The following ACSBG2 variants were observed in gnomAD, a reference collection of about 807,000 sequenced individuals.
ACSBG2 encodes long-chain-fatty-acid--CoA ligase ACSBG2.
A neutral mutation model predicts 74.7 loss-of-function variants in ACSBG2; 62 were observed. The ratio of observed to expected loss-of-function variants is 0.83; its 90% CI spans 0.68 to 1.03. The LOEUF (loss-of-function observed/expected upper bound fraction) is 1.03, where lower values mean the gene tolerates loss of function less well. Among genes scored for constraint, ACSBG2 ranks in the 50% least tolerant of loss-of-function variants. The pLI is 0.00. For missense variants in ACSBG2, 730 were observed against 817.6 expected (o/e 0.89, Z 1.31); for synonymous variants, 309 against 294.1 (o/e 1.05, Z -0.52).
chr19:6,173,751 A>G (rs539557114), intron 7 of ACSBG2, among the ~76,000 whole-genome samples: 1 of 152,200 alleles, frequency 6.6e-6, no homozygotes, highest in Admixed American at 6.5e-5. Context: ...GCCATCACGT[A>G]TCAATACACT....
rs768241507 is a variant in ACSBG2 at position 6,151,818 on chromosome 19, T to C, written c.386+23T>C. The C allele has an allele frequency of 5.7e-6, 9 of 1,571,658 alleles. No individual in the cohort carries two copies. In the East Asian group the frequency reaches 1.1e-4, roughly 20 times the overall value. On this transcript the variant is annotated intron_variant, in intron 4 of 14. Transcript: ENST00000588485. ...CGGGTAAGGTCATTGGCTTGGTTCATGGTGAGGGTTAAGGAGCCGCTACCC... is the reference window on the plus strand; with the variant it reads ...CGGGTAAGGTCATTGGCTTGGTTCACGGTGAGGGTTAAGGAGCCGCTACCC...
At chr19:6,147,961 T>C (rs1054263675) in intron 3 of ACSBG2, among the ~76,000 whole-genome samples, 3 of 152,248 alleles carry the variant, frequency 2.0e-5, no homozygotes, top group Non-Finnish European at 4.4e-5. Flanking sequence ...ACTACACCCA[T>C]GGTTCTGCAT....
intron 2 of ACSBG2, among the ~76,000 whole-genome samples, chr19:6,143,706 G>A (rs2088928869): frequency 6.6e-6 from 1 of 152,138 alleles, no homozygotes; most frequent in Non-Finnish European, 1.5e-5. Flanking sequence ...TGCTCTTTGA[G>A]TTCCTAGATG....
At chr19:6,136,885 G>C (rs1330607384) in intron 1 of ACSBG2, among the ~76,000 whole-genome samples, 1 of 152,052 alleles carries the variant, frequency 6.6e-6, no homozygotes, top group Non-Finnish European at 1.5e-5. Context: ...GTGAGCCTCC[G>C]CACCCGGCCG....
intron 11 of ACSBG2, 47 bp from the exon 12 acceptor site, chr19:6,187,236 T>G: frequency 6.2e-7 from 1 of 1,610,898 alleles, no homozygotes; most frequent in Non-Finnish European, 8.5e-7. Context: ...AACTGGGGGT[T>G]CCACGTTGTC....
chr19:6,188,337 A>G (rs1415568196), intron 13 of ACSBG2, among the ~76,000 whole-genome samples: 7 of 149,926 alleles, frequency 4.7e-5, no homozygotes, highest in Admixed American at 4.6e-4. Context: ...CAGGGGATGC[A>G]GCAAAGACAG....
rs1175994767 is a variant in ACSBG2 at position 6,135,778 on chromosome 19, C to A, written c.-163C>A. On this transcript the variant is annotated 5_prime_UTR_variant, in exon 1 of 15. Coordinates refer to ENST00000588485, the MANE Select transcript of ACSBG2 (RefSeq NM_030924.5). ...TGACGGGGGCTGGGAAGGGGCAGCT[C>A]ATGTTCAGGTTTCCAGGAGGGGCTA... is the stretch of plus-strand genomic sequence containing the variant. 3 of 152,178 alleles carry A rather than the reference C, an allele frequency of 2.0e-5. No individual in the cohort carries two copies. Among genetic ancestry groups the A allele is most frequent in the Non-Finnish European group, 4.4e-5 (3 of 68,092 alleles). The allele number at this position is 152,178 out of a possible 1,614,324, so 9.4% of individuals were successfully genotyped here.
intron 7 of ACSBG2, among the ~76,000 whole-genome samples, chr19:6,168,050 TC>T (rs908211992): frequency 1.4e-5 from 2 of 138,782 alleles, no homozygotes; most frequent in Non-Finnish European, 3.0e-5. Context: ...GTCCCAATCC[TC>T]CTCTGTCTGC....
chr19:6,189,718 T>TC (rs60929876), intron 13 of ACSBG2: 12 of 151,734 alleles, frequency 7.9e-5, no homozygotes, highest in African/African-American at 2.4e-4. Context: ...TTTCTTTCTT[T>TC]TTTTTTTTTG....
chr19:6,153,880 A>AAAGAAAAAAG (rs55724971), intron 4 of ACSBG2, among the ~76,000 whole-genome samples: 3 of 107,696 alleles, frequency 2.8e-5, no homozygotes, highest in African/African-American at 3.4e-5. Context: ...AAAGAAAAGA[A>AAAGAAAAAAG]AAGGAAAAGA....
chr19:6,185,805 A>G, intron 11 of ACSBG2, 152 bp downstream of exon 11: 2 of 760,754 alleles, frequency 2.6e-6, no homozygotes, highest in Non-Finnish European at 4.2e-6. Context: ...ACCCAGCTCT[A>G]TCCTCCTGTC....
At chr19:6,176,499 C>T in intron 7 of ACSBG2, 1 of 876,400 alleles carries the variant, frequency 1.1e-6, no homozygotes, top group Non-Finnish European at 1.6e-6. Context: ...AAAAACAACA[C>T]ACACACACAC....
intron 12 of ACSBG2, 88 bp from the exon 13 acceptor site, chr19:6,187,511 T>C: frequency 3.7e-6 from 6 of 1,602,680 alleles, no homozygotes; most frequent in South Asian, 2.2e-5. Flanking sequence ...GATGCATCTG[T>C]GGGTTCAAGA....
At chr19:6,136,107 ATT>A (rs1192884818) in intron 1 of ACSBG2, among the ~76,000 whole-genome samples, 198 bp downstream of exon 1, 227 of 138,704 alleles carry the variant, frequency 1.6e-3, no homozygotes, top group Middle Eastern at 7.4e-3. Context: ...TGTCCAGCTA[ATT>A]TTTTTTTTTT....
At chr19:6,143,530 A>C (rs2088923275) in intron 2 of ACSBG2, among the ~76,000 whole-genome samples, 1 of 152,136 alleles carries the variant, frequency 6.6e-6, no homozygotes, top group Non-Finnish European at 1.5e-5. Context: ...ATACGGTCAC[A>C]GTCTGAAATT....
chr19:6,156,359 T>C, intron 4 of ACSBG2, 72 bp from the exon 5 acceptor site: 2 of 1,484,324 alleles, frequency 1.3e-6, no homozygotes, highest in Non-Finnish European at 1.8e-6. Context: ...CTTTCCTCTC[T>C]TTTGACCTTC....
chr19:6,184,874 G>GAAAAAAAAAAAAAAAAAAAAA (rs1305163415), intron 10 of ACSBG2, among the ~76,000 whole-genome samples: 5 of 49,220 alleles, frequency 1.0e-4, no homozygotes, highest in African/African-American at 2.1e-4. Flanking sequence ...AAAAAAAAAC[G>GAAAAAAAAAAAAAAAAAAAAA]AAAAACAGCC....
intron 1 of ACSBG2, among the ~76,000 whole-genome samples, chr19:6,140,769 CA>C (rs2088795971): frequency 6.6e-6 from 1 of 152,132 alleles, no homozygotes; most frequent in African/African-American, 2.4e-5. Flanking sequence ...TGTTTTCCCA[CA>C]TTTTCATAAT....
At chr19:6,166,280 T>TTTTGTGTG (rs1555694318) in intron 7 of ACSBG2, among the ~76,000 whole-genome samples, 220 of 119,144 alleles carry the variant, frequency 1.8e-3, no homozygotes, top group Middle Eastern at 4.0e-3. Flanking sequence ...GTCAGGAAGG[T>TTTTGTGTG]TGTGTGTGTG....
Sources: gnomAD v4.1 joint callset for allele counts (sites outside exome capture counted in the v4.1 genomes callset) on GRCh38, gnomAD v4.1.1 for gene constraint, MANE v1.5 for transcripts, NCBI Gene and HGNC (gene_info 2026-07-23, HGNC 2026-07-21) for gene names.